The following SAMD5 variants were observed in gnomAD, a reference collection of about 807,000 sequenced individuals.
SAMD5 encodes the protein sterile alpha motif domain-containing protein 5.
In SAMD5, 13 loss-of-function variants were observed where a neutral mutation model predicts 11.3. That is an observed-to-expected ratio of 1.15 (90% CI 0.75 to 1.83). The LOEUF (loss-of-function observed/expected upper bound fraction) is 1.83. SAMD5 is among the 40% of genes most tolerant of loss of function. The probability of loss-of-function intolerance (pLI) is 0.00; values close to 1 mark genes in which losing one functional copy is unlikely to be tolerated. For missense variants in SAMD5, 255 were observed against 239.1 expected, an observed-to-expected ratio of 1.07 and a Z score of -0.44; for synonymous variants, 129 against 111.3, an observed-to-expected ratio of 1.16 and a Z score of -1.00.
chr6:147,731,705 C>G (rs549870491), intron 1 of SAMD5, among the ~76,000 whole-genome samples: 1 of 141,300 alleles, frequency 7.1e-6, no homozygotes, highest in East Asian at 2.0e-4. Flanking sequence ...TCCCTCCCTC[C>G]TTTCCTTCCT....
chr6:147,734,711 TAAAAAAAAAAAAAAAAAA>T (rs61482319), intron 1 of SAMD5, among the ~76,000 whole-genome samples: 4 of 26,100 alleles, frequency 1.5e-4, no homozygotes, highest in Non-Finnish European at 2.8e-4. Context: ...AGACTCCATC[TAAAAAAAAAAAAAAAAAA>T]AAAAAAAAAA....
At chr6:147,795,265 T>G in the SAMD5 span, among the ~76,000 whole-genome samples, 1 of 141,404 alleles carries the variant, frequency 7.1e-6, no homozygotes, top group African/African-American at 2.7e-5. Flanking sequence ...CCTTCCCGTG[T>G]CCATGTGTTC....
intron 1 of SAMD5, among the ~76,000 whole-genome samples, chr6:147,588,875 C>T (rs189454691): frequency 1.0e-3 from 153 of 152,186 alleles, no homozygotes; most frequent in African/African-American, 3.3e-3. Flanking sequence ...TACTTCAATT[C>T]GTGAAATACG....
the SAMD5 span, among the ~76,000 whole-genome samples, chr6:147,867,366 G>T: frequency 6.9e-6 from 1 of 145,792 alleles, no homozygotes; most frequent in African/African-American, 2.5e-5. Flanking sequence ...GAGAGAGAAA[G>T]ATATCTTCGG....
At chr6:147,538,789 T>C (rs1390166542) in intron 1 of SAMD5, among the ~76,000 whole-genome samples, 1 of 152,210 alleles carries the variant, frequency 6.6e-6, no homozygotes, top group Admixed American at 6.5e-5. Context: ...GACATTTTAT[T>C]TTACTAATAA....
chr6:147,825,331 C>A, the SAMD5 span, among the ~76,000 whole-genome samples: 1 of 152,034 alleles, frequency 6.6e-6, no homozygotes, highest in African/African-American at 2.4e-5. Context: ...AAAAACTTAG[C>A]TCCATGTGGT....
chr6:147,831,696 A>G, the SAMD5 span, among the ~76,000 whole-genome samples: 1 of 152,244 alleles, frequency 6.6e-6, no homozygotes, highest in Non-Finnish European at 1.5e-5. Context: ...TTTGTTTTCA[A>G]CTAACTACAT....
intron 1 of SAMD5, among the ~76,000 whole-genome samples, chr6:147,654,427 A>G (rs1375910896): frequency 6.6e-6 from 1 of 152,154 alleles, no homozygotes; most frequent in Non-Finnish European, 1.5e-5. Context: ...AGGGTTTGGA[A>G]GTGAAGAAGA....
intron 1 of SAMD5, among the ~76,000 whole-genome samples, chr6:147,687,891 A>G (rs536784205): frequency 2.0e-5 from 3 of 152,310 alleles, no homozygotes; most frequent in Admixed American, 6.5e-5. Context: ...TGTGACATGT[A>G]TAAGTCTGAT....
intron 1 of SAMD5, among the ~76,000 whole-genome samples, chr6:147,610,874 T>TA (rs1789773347): frequency 1.3e-5 from 2 of 150,706 alleles, no homozygotes; most frequent in Admixed American, 6.6e-5. Context: ...AGCCAGAATT[T>TA]TTTTTTTTTT....
At chr6:147,706,834 C>T (rs961696590) in intron 1 of SAMD5, among the ~76,000 whole-genome samples, 1 of 152,200 alleles carries the variant, frequency 6.6e-6, no homozygotes, top group Non-Finnish European at 1.5e-5. Flanking sequence ...TTAATTCACT[C>T]ATTGGGACAA....
rs543475286 is a variant in SAMD5, at chr6:147,594,542, G to T, written c.162+85155G>T. Among the ~76,000 whole-genome samples the T allele has an allele frequency of 1.1e-4, 16 of 152,268 alleles. No individual in the cohort carries two copies. In the South Asian group the frequency reaches 2.5e-3, roughly 24 times the overall value. On this transcript the variant is annotated intron_variant, in intron 1 of 1. Coordinates refer to the SAMD5 transcript ENST00000566741. ...TTACAAAGGCAGGTATTGGCAAATT[G>T]CTGTTTCCACTTTAAAGTCTATTAT... is the stretch of plus-strand genomic sequence containing the variant.
At chr6:147,885,499 C>T in the SAMD5 span, among the ~76,000 whole-genome samples, 8 of 151,940 alleles carry the variant, frequency 5.3e-5, no homozygotes, top group South Asian at 1.7e-3. Flanking sequence ...CCCCAAGTTC[C>T]CTCAAATTAA....
intron 1 of SAMD5, among the ~76,000 whole-genome samples, chr6:147,624,266 G>A (rs966926562): frequency 1.3e-5 from 2 of 152,134 alleles, no homozygotes; most frequent in East Asian, 1.9e-4. Flanking sequence ...AGAAGGCCGA[G>A]CCCAGCTGAG....
intron 1 of SAMD5, among the ~76,000 whole-genome samples, chr6:147,540,818 C>CT (rs1046850600): frequency 2.0e-5 from 3 of 151,878 alleles, no homozygotes; most frequent in Admixed American, 2.0e-4. Context: ...ATTTCTTACC[C>CT]TTTTTTGCCA....
the SAMD5 span, among the ~76,000 whole-genome samples, chr6:147,942,453 T>C: frequency 6.6e-6 from 1 of 152,368 alleles, no homozygotes; most frequent in Middle Eastern, 3.4e-3. Flanking sequence ...AGAACATCTG[T>C]GTGTCTAAAT....
intron 1 of SAMD5, among the ~76,000 whole-genome samples, chr6:147,712,025 G>T (rs576311849): frequency 6.6e-6 from 1 of 152,266 alleles, no homozygotes; most frequent in Non-Finnish European, 1.5e-5. Context: ...AGAAATTTTT[G>T]AAGAAAATGT....
chr6:147,859,151 C>A, the SAMD5 span, among the ~76,000 whole-genome samples: 2 of 152,202 alleles, frequency 1.3e-5, no homozygotes, highest in East Asian at 1.9e-4. Flanking sequence ...GATGGGCATT[C>A]CCCCAGGTGT....
Position 147,567,896 on chromosome 6 carries a change from G to A in SAMD5, c.*3440G>A. 3 of 985,654 alleles carry A rather than the reference G, an allele frequency of 3.0e-6. No individual in the cohort carries two copies. The highest frequency in any genetic ancestry group is 3.6e-6 in the Non-Finnish European group (3 of 830,202). 61.1% of individuals were successfully genotyped at this position (985,654 alleles called of 1,614,324 possible). A position where few individuals can be genotyped will look rare whatever the true frequency, so the allele number is the denominator to read the frequency against. ...TAAGGAAACAATAACACTCCATCCT[G>A]GGCAACAGAGCAAGATCCCGTCTCA... On this transcript the variant is annotated 3_prime_UTR_variant, in exon 2 of 2. Transcript: ENST00000367474.
Sources: allele counts gnomAD v4.1 joint callset (sites outside exome capture counted in the v4.1 genomes callset), GRCh38; gene constraint gnomAD v4.1.1; transcripts MANE v1.5; gene names NCBI Gene and HGNC (gene_info 2026-07-23, HGNC 2026-07-21).